The following KCNH5 variants were observed in gnomAD, a reference collection of about 807,000 sequenced individuals.
The protein encoded by KCNH5 is potassium voltage-gated channel subfamily H member 5.
Under a neutral mutation model 96.1 loss-of-function variants are expected in KCNH5, and 46 were observed. That is an observed-to-expected ratio of 0.48 (90% CI 0.38 to 0.61). KCNH5 has a LOEUF of 0.61. Ranked by LOEUF, KCNH5 falls within the 20% of genes least tolerant of loss-of-function variation. The pLI is 0.00. For missense variants in KCNH5, 907 were observed against 1,225.8 expected, an observed-to-expected ratio of 0.74 and a Z score of 3.88; for synonymous variants, 439 against 449.8, an observed-to-expected ratio of 0.98 and a Z score of 0.30.
intron 7 of KCNH5, among the ~76,000 whole-genome samples, chr14:62,937,615 AAGG>A (rs1889710354): frequency 6.6e-6 from 1 of 152,202 alleles, no homozygotes; most frequent in Admixed American, 6.5e-5. Flanking sequence ...AGGTTTCGGA[AAGG>A]AGGAGAACGT....
At chr14:63,000,135 A>G (rs1890984866) in intron 4 of KCNH5, among the ~76,000 whole-genome samples, 1 of 152,214 alleles carries the variant, frequency 6.6e-6, no homozygotes, top group Admixed American at 6.5e-5. Flanking sequence ...AATATTATAT[A>G]TGTGAGTTCC....
chr14:62,865,642 T>G (rs567420171), intron 7 of KCNH5, among the ~76,000 whole-genome samples: 1 of 152,340 alleles, frequency 6.6e-6, no homozygotes, highest in South Asian at 2.1e-4. Context: ...ATATTCAGTC[T>G]GTACTCTCTT....
At chr14:62,871,315 T>C (rs944310793) in intron 7 of KCNH5, among the ~76,000 whole-genome samples, 1 of 152,186 alleles carries the variant, frequency 6.6e-6, no homozygotes, top group Non-Finnish European at 1.5e-5. Context: ...ACGAACTCAC[T>C]GGAGGGGCAC....
chr14:62,830,985 C>A (rs1399767145), intron 8 of KCNH5, among the ~76,000 whole-genome samples: 1 of 152,106 alleles, frequency 6.6e-6, no homozygotes, highest in Non-Finnish European at 1.5e-5. Flanking sequence ...CTTTCCTTAT[C>A]CCCAGAAGTG....
intron 1 of KCNH5, among the ~76,000 whole-genome samples, chr14:63,022,319 A>G (rs971930629): frequency 3.3e-5 from 5 of 152,054 alleles, no homozygotes; most frequent in African/African-American, 1.2e-4. Context: ...CTTCATCTCC[A>G]TGATCATCAC....
chr14:62,956,620 T>C (rs911230531), intron 6 of KCNH5, among the ~76,000 whole-genome samples: 23 of 148,630 alleles, frequency 1.5e-4, no homozygotes, highest in African/African-American at 5.5e-4. Flanking sequence ...TCCCATGATA[T>C]TTGGTGGGGG....
chr14:62,748,172 T>C (rs942943105), intron 10 of KCNH5, among the ~76,000 whole-genome samples: 5 of 152,060 alleles, frequency 3.3e-5, no homozygotes, highest in African/African-American at 1.2e-4. Flanking sequence ...GGACAGCTAC[T>C]CCATAGACAG....
At chr14:62,983,476 G>C (rs951442167) in intron 5 of KCNH5, among the ~76,000 whole-genome samples, 1 of 151,782 alleles carries the variant, frequency 6.6e-6, no homozygotes, top group Non-Finnish European at 1.5e-5. Context: ...CACACATTCA[G>C]TTTTTGTTTT....
At chr14:62,709,486 C>G (rs984355950) in intron 10 of KCNH5, among the ~76,000 whole-genome samples, 1 of 151,986 alleles carries the variant, frequency 6.6e-6, no homozygotes, top group Non-Finnish European at 1.5e-5. Flanking sequence ...TAAACTGCCT[C>G]GAAAACTCAT....
intron 6 of KCNH5, among the ~76,000 whole-genome samples, chr14:62,956,162 C>T (rs1890100199): frequency 6.6e-6 from 1 of 152,190 alleles, no homozygotes; most frequent in Non-Finnish European, 1.5e-5. Context: ...CAGGTCATTT[C>T]CCTCTATGCC....
chr14:63,003,902 C>G (rs1267412044), intron 3 of KCNH5, among the ~76,000 whole-genome samples: 4 of 151,802 alleles, frequency 2.6e-5, no homozygotes, highest in Admixed American at 6.6e-5. Flanking sequence ...TTACAGGTGT[C>G]AGCCACCGCG....
intron 7 of KCNH5, among the ~76,000 whole-genome samples, chr14:62,930,064 T>C (rs11158464): frequency 0.72 from 108,955 of 152,052 alleles, 40,045 homozygotes; most frequent in East Asian, 0.99. Flanking sequence ...TCCATGTCTT[T>C]GTTATTGTAA....
In KCNH5 at chr14:62,869,849, G is replaced by T. The variant is rs554096591; in HGVS notation, c.1370-19997C>A. The stretch of plus-strand genomic sequence containing the variant: ...CTGACAAAAACAAGCAATGGGGAAA[G>T]GATTCCCTATTTAATCAATGGTGTT... On this transcript the variant is annotated intron_variant, in intron 7 of 10. Transcript: ENST00000322893. Among the ~76,000 whole-genome samples, 7 of 152,240 alleles carry T rather than the reference G, an allele frequency of 4.6e-5. No individual in the cohort carries two copies. In the South Asian group the frequency reaches 1.5e-3, roughly 32 times the overall value.
chr14:62,731,284 G>T (rs1232828269), intron 10 of KCNH5, among the ~76,000 whole-genome samples: 1 of 151,744 alleles, frequency 6.6e-6, no homozygotes. Context: ...CTGGGCAACA[G>T]AGGGAGACTC....
chr14:63,019,472 T>C lies in KCNH5; in HGVS notation c.74-2518A>G, dbSNP rs75216032. 6.6e-3 allele frequency among the ~76,000 whole-genome samples: 1,008 copies of C among 152,114 alleles called. 13 individuals carry two copies. The highest frequency in any genetic ancestry group is 0.062 in the East Asian group (320 of 5,178). The stretch of plus-strand genomic sequence containing the variant: ...GTAAACTATAGTAATTAAGATGGTG[T>C]GGAAATGGAGTAAGGACAGACAAGT... On this transcript the variant is annotated intron_variant, in intron 1 of 10. Coordinates refer to ENST00000322893, the MANE Select transcript of KCNH5 (RefSeq NM_139318.5).
At position 62,700,812 on chromosome 14, in the gene KCNH5, G is replaced by A. The variant is rs1884336473; in HGVS notation, c.*6696C>T. On this transcript the variant is annotated 3_prime_UTR_variant, in exon 11 of 11. Transcript: ENST00000322893. ...TTGAAAAAGTTGAGGAGCAAATGAG[G>A]GGTCCATGGCAACAATGGTTCTAGG... The A allele has an allele frequency of 6.6e-6, 1 of 152,088 alleles. No individual in the cohort carries two copies. The highest frequency in any genetic ancestry group is 2.1e-4 in the South Asian group (1 of 4,826). 9.4% of individuals were successfully genotyped at this position (152,088 alleles called of 1,614,324 possible).
chr14:62,724,774 A>C (rs540373883), intron 10 of KCNH5, among the ~76,000 whole-genome samples: 1 of 152,320 alleles, frequency 6.6e-6, no homozygotes, highest in African/African-American at 2.4e-5. Flanking sequence ...TGTAGTGTTG[A>C]ACTTTAATTA....
At chr14:62,980,119 G>A (rs1890578825) in intron 6 of KCNH5, among the ~76,000 whole-genome samples, 1 of 152,128 alleles carries the variant, frequency 6.6e-6, no homozygotes, top group South Asian at 2.1e-4. Context: ...GAAGGTCCTT[G>A]CTTGTTTCCA....
chr14:62,974,118 A>G lies in KCNH5; in HGVS notation c.942+6754T>C, dbSNP rs78724986. 1.8e-4 allele frequency among the ~76,000 whole-genome samples: 27 copies of G among 152,252 alleles called. 1 individual carries two copies. In the East Asian group the frequency reaches 5.2e-3, roughly 29 times the overall value. On this transcript the variant is annotated intron_variant, in intron 6 of 10. Coordinates refer to ENST00000322893, the MANE Select transcript of KCNH5 (RefSeq NM_139318.5). ...ACTTTTCTGAAAATTAAAAGTATTT[A>G]TATACTTCCACTTAGCAGTCATTGT... is the stretch of plus-strand genomic sequence containing the variant.
Sources: allele counts gnomAD v4.1 joint callset (sites outside exome capture counted in the v4.1 genomes callset), GRCh38; gene constraint gnomAD v4.1.1; transcripts MANE v1.5; gene names NCBI Gene and HGNC (gene_info 2026-07-23, HGNC 2026-07-21).